Variants in ANKRD34B observed in about 807,000 individuals in gnomAD.
The protein encoded by ANKRD34B is ankyrin repeat domain 34B, also known as ankyrin repeat domain-containing protein 34B.
In ANKRD34B, 2 loss-of-function variants were observed where a neutral mutation model predicts 4.4. The observed-to-expected ratio is 0.46, with a 90% CI of 0.19 to 1.44. The LOEUF is 1.44. Ranked by LOEUF, ANKRD34B falls within the 40% of genes most tolerant of loss-of-function variation. The pLI, the probability that ANKRD34B is intolerant of heterozygous loss-of-function variation, is 0.26. For synonymous variants in ANKRD34B, 226 were observed against 227.1 expected (o/e 0.99, Z 0.05); for missense variants, 558 against 604.7 (o/e 0.92, Z 0.81).
chr5:80,567,570 G>A (rs912613959), intron 2 of ANKRD34B, among the ~76,000 whole-genome samples: 4 of 134,300 alleles, frequency 3.0e-5, no homozygotes, highest in African/African-American at 1.1e-4. Flanking sequence ...GCAGTGAGCC[G>A]AGATTGCACC....
intron 4 of ANKRD34B, among the ~76,000 whole-genome samples, chr5:80,560,449 A>G (rs926205169): frequency 2.0e-5 from 3 of 152,138 alleles, no homozygotes; most frequent in African/African-American, 7.2e-5. Context: ...TGAGGCCAGG[A>G]ATTTGAGACC....
intron 4 of ANKRD34B, among the ~76,000 whole-genome samples, chr5:80,563,065 C>CT (rs1746451767): frequency 1.7e-5 from 2 of 119,108 alleles, no homozygotes; most frequent in Admixed American, 1.7e-4. Context: ...ATTGTCCTTT[C>CT]TTTATTCATC....
At chr5:80,560,681 G>A (rs1208848406) in intron 4 of ANKRD34B, among the ~76,000 whole-genome samples, 3 of 152,034 alleles carry the variant, frequency 2.0e-5, no homozygotes, top group South Asian at 2.1e-4. Flanking sequence ...TAATTAAAAT[G>A]TAAATTTTAA....
At position 80,559,106 on chromosome 5, in the gene ANKRD34B, A is replaced by G; in HGVS notation, c.914T>C (p.Leu305Ser). The G allele has an allele frequency of 6.2e-7, 1 of 1,614,208 alleles. No homozygotes were observed. Among genetic ancestry groups the G allele is most frequent in the Non-Finnish European group, 8.5e-7 (1 of 1,180,034 alleles). ...GCTGGCCTGATCAAAGGCTCTTAGCAAATGTGCAGTGTCTTTTACATCAAT... is the reference window on the plus strand; with the variant it reads ...GCTGGCCTGATCAAAGGCTCTTAGCGAATGTGCAGTGTCTTTTACATCAAT... Reference protein sequence around the residue: ...QSIDVKDTAHLLRAFDQASSR... With the variant: ...QSIDVKDTAHSLRAFDQASSR... Residue 305 changes from leucine to serine, a missense_variant, in exon 5 of 5, where the codon TTG becomes TCG. Transcript: ENST00000338682.
At position 80,559,532 on chromosome 5, in the gene ANKRD34B, G is replaced by T. The variant is rs1746355087; in HGVS notation, c.488C>A (p.Thr163Asn). Reference sequence around the variant, plus strand: ...AGGAGGCATATTTAAGTATTGTTTAGTAGTATGCTTCCCACAGGGCAACTT... The same window carrying T: ...AGGAGGCATATTTAAGTATTGTTTATTAGTATGCTTCCCACAGGGCAACTT... ...TAKLPCGKHT[T>N]KQYLNMPPVD... Residue 163 changes from threonine (T) to asparagine (N), a missense_variant, in exon 5 of 5, where the codon ACT (threonine) becomes AAT (asparagine). By Grantham distance (65) the Thr-to-Asn change is moderately conservative. Coordinates refer to ENST00000338682, the MANE Select transcript of ANKRD34B (RefSeq NM_001004441.3). The T allele has an allele frequency of 6.2e-7, 1 of 1,614,092 alleles. No homozygotes were observed. Among genetic ancestry groups the T allele is most frequent in the Admixed American group, 1.7e-5 (1 of 60,006 alleles).
rs767722135 is a variant in ANKRD34B at position 80,559,298 on chromosome 5, T to G, written c.722A>C (p.Lys241Thr). 48 of 1,613,978 alleles carry G rather than the reference T, an allele frequency of 3.0e-5. No homozygotes were observed. The highest frequency in any genetic ancestry group is 3.9e-5 in the Non-Finnish European group (46 of 1,180,026). ...GACCCAGGGTGGAGCGTGGGGGAGC[T>G]TGGGCCCCTTAGGGGCCAATGCAGG... is the stretch of plus-strand genomic sequence containing the variant. ...RKPALAPKGP[K>T]LPHAPPWVKS... The change falls in exon 5 of 5, where the codon AAG becomes ACG. Residue 241 changes from lysine (K) to threonine (T), a missense_variant. By Grantham distance (78) the Lys-to-Thr change is moderately conservative. Transcript: ENST00000338682.
intron 3 of ANKRD34B, among the ~76,000 whole-genome samples, chr5:80,564,768 C>A (rs10073069): frequency 0.14 from 21,043 of 145,450 alleles, 2,450 homozygotes; most frequent in African/African-American, 0.33. Context: ...TGCAATGGCA[C>A]AATCTCGGCT....
chr5:80,559,475 G>T lies in ANKRD34B; in HGVS notation c.545C>A (p.Thr182Asn). 4 of 1,614,198 alleles carry T rather than the reference G, an allele frequency of 2.5e-6. No homozygotes were observed. Among genetic ancestry groups the T allele is most frequent in the Non-Finnish European group, 3.4e-6 (4 of 1,180,030 alleles). ...VDIDGCHSPA[T>N]CTTPSEIDIK... ...GTCTATTTCTGAAGGAGTGGTGCAG[G>T]TAGCTGGGGAATGACACCCATCTAT... Residue 182 changes from threonine to asparagine, a missense_variant, in exon 5 of 5, where the codon ACC becomes AAC. Coordinates refer to ENST00000338682, the MANE Select transcript of ANKRD34B (RefSeq NM_001004441.3).
chr5:80,562,079 G>GTGTA (rs1354128655), intron 4 of ANKRD34B, among the ~76,000 whole-genome samples: 2 of 150,810 alleles, frequency 1.3e-5, no homozygotes, highest in Non-Finnish European at 3.0e-5. Flanking sequence ...GTGTGTGTGT[G>GTGTA]TGTGTGTGTG....
At chr5:80,565,048 G>A (rs1432267605) in intron 3 of ANKRD34B, among the ~76,000 whole-genome samples, 1 of 152,190 alleles carries the variant, frequency 6.6e-6, no homozygotes, top group Non-Finnish European at 1.5e-5. Context: ...TTTTGAAATT[G>A]CCTAGACATT....
intron 4 of ANKRD34B, among the ~76,000 whole-genome samples, chr5:80,561,810 G>A (rs62366867): frequency 0.079 from 12,008 of 152,130 alleles, 502 homozygotes; most frequent in African/African-American, 0.096. Context: ...CTAAAATAGC[G>A]GTTATTTATA....
At chr5:80,562,452 T>C (rs249219) in intron 4 of ANKRD34B, among the ~76,000 whole-genome samples, 80,492 of 151,962 alleles carry the variant, frequency 0.53, 22,778 homozygotes, top group East Asian at 0.88. Context: ...TCTCTGGACT[T>C]GGAGACACCA....
chr5:80,565,721 A>G (rs947895367), intron 3 of ANKRD34B, among the ~76,000 whole-genome samples: 3 of 152,244 alleles, frequency 2.0e-5, no homozygotes, highest in Non-Finnish European at 4.4e-5. Context: ...TCTCCAATCC[A>G]TAGCCTATTT....
At position 80,559,299 on chromosome 5, in the gene ANKRD34B, TG is replaced by T. The variant is rs544536230; in HGVS notation, c.720del (p.Lys241SerfsTer15). ...ACCCAGGGTGGAGCGTGGGGGAGCT[TG>T]GGCCCCTTAGGGGCCAATGCAGGTT... ...VRKPALAPKGPKLPHAPPWVK... is the reference protein window; with the variant it reads ...VRKPALAPKGXKLPHAPPWVK... On this transcript the variant is annotated frameshift_variant, in exon 5 of 5. Coordinates refer to ENST00000338682, the MANE Select transcript of ANKRD34B (RefSeq NM_001004441.3). LOFTEE classifies it low-confidence loss of function (END_TRUNC). 31 of 1,614,112 alleles carry T rather than the reference TG, an allele frequency of 1.9e-5. No homozygotes were observed. The African/African-American group carries it at 4.0e-4, about 21-fold the overall frequency.
chr5:80,560,004 C>G lies in ANKRD34B; in HGVS notation c.16G>C (p.Glu6Gln). The G allele has an allele frequency of 6.3e-7, 1 of 1,588,184 alleles. No homozygotes were observed. The highest frequency in any genetic ancestry group is 8.6e-7 in the Non-Finnish European group (1 of 1,166,778). MDEGMEISSEGNSLIK... is the reference protein window; with the variant it reads MDEGMQISSEGNSLIK... ...AAGGAATTTCCTTCACTTGAAATTT[C>G]CATACCTTCATCCATCTTCGGAGGT... Residue 6 changes from glutamate (E) to glutamine (Q), a missense_variant, in exon 5 of 5, where the codon GAA (glutamate) becomes CAA (glutamine). Coordinates refer to ENST00000338682, the MANE Select transcript of ANKRD34B (RefSeq NM_001004441.3).
chr5:80,557,543 G>T lies in ANKRD34B; in HGVS notation c.*932C>A, dbSNP rs1057299838. 2.3e-4 allele frequency: 35 copies of T among 149,764 alleles called. No homozygotes were observed. The highest frequency in any genetic ancestry group is 4.5e-4 in the Non-Finnish European group (30 of 67,412). 9.3% of individuals were successfully genotyped at this position (149,764 alleles called of 1,614,324 possible). ...CAAGCGCTTAGTTTTTATCCATGAT[G>T]AATTTTTTTTTTTTGGTTCTTTTTG... On this transcript the variant is annotated 3_prime_UTR_variant, in exon 5 of 5. Transcript: ENST00000338682.
In ANKRD34B at chr5:80,558,222, T is replaced by G; in HGVS notation, c.*253A>C. ...TTTTTAATGACAAATTTGGACTACA[T>G]GGAGATTGTTAAATATTAGAAGCAT... On this transcript the variant is annotated 3_prime_UTR_variant, in exon 5 of 5. Transcript: ENST00000338682. 5 of 257,604 alleles carry G rather than the reference T, an allele frequency of 1.9e-5. No individual in the cohort carries two copies. Among genetic ancestry groups the G allele is most frequent in the East Asian group, 7.3e-5 (1 of 13,612 alleles). The allele number at this position is 257,604 out of a possible 1,614,324, so 16.0% of individuals were successfully genotyped here. A position where few individuals can be genotyped will look rare whatever the true frequency, so the allele number is the denominator to read the frequency against.
At chr5:80,561,984 G>C (rs1054173580) in intron 4 of ANKRD34B, among the ~76,000 whole-genome samples, 1 of 151,496 alleles carries the variant, frequency 6.6e-6, no homozygotes, top group African/African-American at 2.4e-5. Flanking sequence ...ACAGAGGGAA[G>C]AGGAGAAGAT....
chr5:80,565,198 T>A (rs1463011778), intron 3 of ANKRD34B, among the ~76,000 whole-genome samples: 2 of 152,360 alleles, frequency 1.3e-5, no homozygotes, highest in East Asian at 3.8e-4. Flanking sequence ...GGTTCTTTTA[T>A]CTCACCTTCT....
Sources: allele counts gnomAD v4.1 joint callset (sites outside exome capture counted in the v4.1 genomes callset), GRCh38; gene constraint gnomAD v4.1.1; transcripts MANE v1.5; gene names NCBI Gene and HGNC (gene_info 2026-07-23, HGNC 2026-07-21).